The following KAZN variants were observed in gnomAD, a reference collection of about 807,000 sequenced individuals.
KAZN encodes kazrin.
Under a neutral mutation model 87.4 loss-of-function variants are expected in KAZN, and 40 were observed. The ratio of observed to expected loss-of-function variants is 0.46; its 90% confidence interval spans 0.36 to 0.60. The LOEUF (loss-of-function observed/expected upper bound fraction) is 0.60. KAZN is among the 20% of genes least tolerant of loss of function. The pLI, the probability that KAZN is intolerant of heterozygous loss-of-function variation, is 0.00. For missense variants in KAZN, 898 were observed against 1,073.9 expected (o/e 0.84, Z 2.29); for synonymous variants, 466 against 458.3 (o/e 1.02, Z -0.22).
intron 1 of KAZN, among the ~76,000 whole-genome samples, chr1:14,177,185 G>A (rs1646096558): frequency 1.3e-5 from 2 of 151,890 alleles, no homozygotes; most frequent in African/African-American, 4.8e-5. Context: ...GCTTACATTG[G>A]CACCTGCTTA....
intron 2 of KAZN, among the ~76,000 whole-genome samples, chr1:14,210,799 T>C (rs1483416728): frequency 6.6e-6 from 1 of 152,142 alleles, no homozygotes; most frequent in Non-Finnish European, 1.5e-5. Flanking sequence ...TTGAGAAGAA[T>C]GTCATTATGG....
chr1:14,517,026 C>T (rs1327798132), intron 2 of KAZN, among the ~76,000 whole-genome samples: 1 of 152,168 alleles, frequency 6.6e-6, no homozygotes, highest in Non-Finnish European at 1.5e-5. Context: ...TCTCTTCTCA[C>T]TGGCAGGTCA....
intron 1 of KAZN, among the ~76,000 whole-genome samples, chr1:14,842,435 A>C (rs190347716): frequency 1.3e-5 from 2 of 152,326 alleles, no homozygotes; most frequent in Admixed American, 1.3e-4. Flanking sequence ...TCTTGCCTGG[A>C]GCCAATGTCA....
intron 1 of KAZN, among the ~76,000 whole-genome samples, chr1:13,944,021 C>T (rs1641040168): frequency 6.6e-6 from 1 of 152,214 alleles, no homozygotes; most frequent in South Asian, 2.1e-4. Flanking sequence ...CCACCTCTGG[C>T]TATCTACCCA....
intron 1 of KAZN, among the ~76,000 whole-genome samples, chr1:14,148,573 C>T (rs1164881644): frequency 3.3e-5 from 5 of 151,980 alleles, no homozygotes; most frequent in Non-Finnish European, 7.4e-5. Context: ...CATGTTATTT[C>T]CTGTTCCTAA....
intron 1 of KAZN, among the ~76,000 whole-genome samples, chr1:14,792,992 C>T (rs900404711): frequency 1.7e-5 from 2 of 115,950 alleles, no homozygotes. Flanking sequence ...AAAAAAAAAA[C>T]ATTCAGGACA....
chr1:14,475,588 A>AT (rs1334451019), intron 2 of KAZN, among the ~76,000 whole-genome samples: 2 of 152,216 alleles, frequency 1.3e-5, no homozygotes, highest in Non-Finnish European at 2.9e-5. Flanking sequence ...AAATGTTTAG[A>AT]TTTTTTAATG....
At position 14,624,376 on chromosome 1, in the gene KAZN, C is replaced by T. The variant is rs371248776; in HGVS notation, c.226+25153C>T. ...GGCGGAGGTTGCAGTGAGCCAAGATCGCGCCACTGCACTCCAGCCTGGCCA... is the reference window on the plus strand; with the variant it reads ...GGCGGAGGTTGCAGTGAGCCAAGATTGCGCCACTGCACTCCAGCCTGGCCA... On this transcript the variant is annotated intron_variant, in intron 1 of 14. Coordinates refer to ENST00000376030, the MANE Select transcript of KAZN (RefSeq NM_201628.3). Among the ~76,000 whole-genome samples, 11 of 151,816 alleles carry T rather than the reference C, an allele frequency of 7.2e-5. No individual in the cohort carries two copies. In the East Asian group the frequency reaches 1.6e-3, roughly 21 times the overall value.
At chr1:14,944,505 G>A (rs574018739) in intron 1 of KAZN, among the ~76,000 whole-genome samples, 4 of 152,208 alleles carry the variant, frequency 2.6e-5, no homozygotes, top group Non-Finnish European at 4.4e-5. Context: ...CCTTCGAATA[G>A]GCAGGGGTCC....
chr1:14,689,162 T>C (rs893558272), intron 1 of KAZN, among the ~76,000 whole-genome samples: 4 of 152,168 alleles, frequency 2.6e-5, no homozygotes, highest in Non-Finnish European at 5.9e-5. Context: ...GCCACTGCAC[T>C]CCAGCCTGGG....
chr1:14,550,101 T>C (rs1673411913), intron 2 of KAZN, among the ~76,000 whole-genome samples: 1 of 152,244 alleles, frequency 6.6e-6, no homozygotes, highest in African/African-American at 2.4e-5. Flanking sequence ...GCACATCTGT[T>C]GGCTAGAGGG....
At chr1:14,466,720 G>A (rs1415885609) in intron 2 of KAZN, among the ~76,000 whole-genome samples, 1 of 151,130 alleles carries the variant, frequency 6.6e-6, no homozygotes, top group Non-Finnish European at 1.5e-5. Flanking sequence ...TGTAATCCCA[G>A]CACTTCGGGA....
chr1:13,981,105 A>ATATATATATATATG (rs1479644523), intron 1 of KAZN, among the ~76,000 whole-genome samples: 1 of 133,506 alleles, frequency 7.5e-6, no homozygotes, highest in Admixed American at 7.5e-5. Context: ...ATATATATAT[A>ATATATATATATATG]TATATGTATA....
intron 1 of KAZN, among the ~76,000 whole-genome samples, chr1:14,819,984 T>C (rs1410735218): frequency 6.6e-6 from 1 of 152,044 alleles, no homozygotes; most frequent in African/African-American, 2.4e-5. Context: ...TGCTACGATG[T>C]AGGCATAAGC....
At chr1:14,491,534 C>G (rs9429236) in intron 2 of KAZN, among the ~76,000 whole-genome samples, 23,302 of 152,050 alleles carry the variant, frequency 0.15, 2,188 homozygotes, top group East Asian at 0.41. Context: ...ACCAGGGACA[C>G]TTGGATTTCT....
chr1:14,916,491 C>A (rs1448428655), intron 1 of KAZN, among the ~76,000 whole-genome samples: 2 of 152,082 alleles, frequency 1.3e-5, no homozygotes, highest in Non-Finnish European at 2.9e-5. Context: ...TCTTTTAATT[C>A]TCAATAAGCT....
chr1:14,033,096 G>C (rs1340410105), intron 1 of KAZN, among the ~76,000 whole-genome samples: 1 of 152,184 alleles, frequency 6.6e-6, no homozygotes, highest in Non-Finnish European at 1.5e-5. Context: ...AGGAATGGAA[G>C]AACTTCACAG....
At chr1:14,579,624 CA>C (rs1245744742) in intron 2 of KAZN, among the ~76,000 whole-genome samples, 3 of 118,510 alleles carry the variant, frequency 2.5e-5, no homozygotes, top group Non-Finnish European at 5.3e-5. Flanking sequence ...GACTCCGTCT[CA>C]AAAAAAAATT....
intron 1 of KAZN, among the ~76,000 whole-genome samples, chr1:14,138,081 C>CTGTG (rs144840101): frequency 0.025 from 3,361 of 134,030 alleles, 44 homozygotes; most frequent in African/African-American, 0.046. Context: ...ATAAATGTTA[C>CTGTG]AGTGTGTGTG....
Sources: allele counts gnomAD v4.1 joint callset (sites outside exome capture counted in the v4.1 genomes callset), GRCh38; gene constraint gnomAD v4.1.1; transcripts MANE v1.5; gene names NCBI Gene and HGNC (gene_info 2026-07-23, HGNC 2026-07-21).